Variants in EMILIN2 observed in about 807,000 individuals in gnomAD.
EMILIN2 encodes EMILIN-2.
A neutral mutation model predicts 87.1 loss-of-function variants in EMILIN2; 71 were observed. That is an observed-to-expected ratio of 0.82 (90% CI 0.67 to 0.99). The LOEUF is 0.99. Ranked by LOEUF, EMILIN2 falls within the 50% of genes least tolerant of loss-of-function variation. The probability of loss-of-function intolerance (pLI) is 0.00; values close to 1 mark genes in which losing one functional copy is unlikely to be tolerated. For synonymous variants in EMILIN2, 581 were observed against 563.4 expected (o/e 1.03, Z -0.44); for missense variants, 1,407 against 1,371.8 (o/e 1.03, Z -0.40).
chr18:2,846,709 C>T (rs1412179650), upstream of EMILIN2: 2 of 978,294 alleles, frequency 2.0e-6, no homozygotes, highest in Non-Finnish European at 2.4e-6. The surrounding 1 kb of genome is among the most constrained non-coding windows in gnomAD (Gnocchi z 5.3). Context: ...CGACGGCGGC[C>T]GCGTCCCGGG....
chr18:2,882,988 C>T (rs192261268), intron 2 of EMILIN2, among the ~76,000 whole-genome samples: 77 of 152,176 alleles, frequency 5.1e-4, no homozygotes, highest in African/African-American at 1.8e-3. Context: ...TGCAGTGTAC[C>T]ATGATTGTAC....
At chr18:2,886,064 G>T (rs2076802006) in intron 3 of EMILIN2, among the ~76,000 whole-genome samples, 1 of 152,192 alleles carries the variant, frequency 6.6e-6, no homozygotes, top group Non-Finnish European at 1.5e-5. Flanking sequence ...GAGAACTACT[G>T]TTGACATTTT....
At chr18:2,885,823 T>G (rs1024666699) in intron 3 of EMILIN2, among the ~76,000 whole-genome samples, 1 of 152,226 alleles carries the variant, frequency 6.6e-6, no homozygotes, top group Non-Finnish European at 1.5e-5. Flanking sequence ...TGGCCATCAC[T>G]TCATCTTTTT....
At chr18:2,899,539 C>G (rs2076878980) in intron 4 of EMILIN2, among the ~76,000 whole-genome samples, 1 of 152,110 alleles carries the variant, frequency 6.6e-6, no homozygotes, top group Non-Finnish European at 1.5e-5. Context: ...GAGTCTTGCT[C>G]TGTCACCCAG....
intron 2 of EMILIN2, among the ~76,000 whole-genome samples, chr18:2,849,667 C>A (rs1007413238): frequency 1.3e-5 from 2 of 152,042 alleles, no homozygotes; most frequent in African/African-American, 4.8e-5. Flanking sequence ...TTAAACAAAG[C>A]CAAAATAAGT....
chr18:2,852,407 A>G (rs577662118), intron 2 of EMILIN2, among the ~76,000 whole-genome samples: 47 of 152,246 alleles, frequency 3.1e-4, no homozygotes, highest in Non-Finnish European at 5.6e-4. Context: ...AGCTGCCAAC[A>G]TGAAACTTGT....
intron 2 of EMILIN2, among the ~76,000 whole-genome samples, chr18:2,883,220 C>T (rs1048174012): frequency 2.4e-4 from 9 of 37,510 alleles, no homozygotes; most frequent in African/African-American, 4.2e-4. Flanking sequence ...GTGTGACCCT[C>T]GGGGAGGATG....
intron 2 of EMILIN2, among the ~76,000 whole-genome samples, chr18:2,876,518 G>A (rs2076748641): frequency 8.0e-6 from 1 of 124,618 alleles, no homozygotes; most frequent in African/African-American, 3.0e-5. Context: ...TGTAATCCCA[G>A]CACTTTGGGA....
At chr18:2,873,503 C>G (rs1035252082) in intron 2 of EMILIN2, among the ~76,000 whole-genome samples, 1 of 151,830 alleles carries the variant, frequency 6.6e-6, no homozygotes, top group South Asian at 2.1e-4. Flanking sequence ...GTCAGGAGAT[C>G]GAGACCATCC....
intron 2 of EMILIN2, among the ~76,000 whole-genome samples, chr18:2,854,747 T>C (rs577358707): frequency 6.6e-6 from 1 of 152,208 alleles, no homozygotes; most frequent in African/African-American, 2.4e-5. Flanking sequence ...TGAGCCATGA[T>C]TGCAGTACTG....
At chr18:2,887,653 G>C (rs957641201) in intron 3 of EMILIN2, among the ~76,000 whole-genome samples, 1 of 152,098 alleles carries the variant, frequency 6.6e-6, no homozygotes, top group Non-Finnish European at 1.5e-5. Flanking sequence ...AGCAGTTGCT[G>C]ACACCATGTT....
chr18:2,899,574 G>A (rs185856376), intron 4 of EMILIN2, among the ~76,000 whole-genome samples: 54 of 151,582 alleles, frequency 3.6e-4, no homozygotes, highest in African/African-American at 1.1e-3. Flanking sequence ...GCACAATCTC[G>A]GCTCACTGCA....
chr18:2,870,883 C>T (rs1598490411), intron 2 of EMILIN2, among the ~76,000 whole-genome samples: 1 of 152,172 alleles, frequency 6.6e-6, no homozygotes, highest in African/African-American at 2.4e-5. Context: ...CTCCCTGTGT[C>T]TCTTCACATA....
intron 4 of EMILIN2, among the ~76,000 whole-genome samples, chr18:2,901,966 G>A (rs900247553): frequency 2.0e-5 from 3 of 152,276 alleles, no homozygotes; most frequent in East Asian, 1.9e-4. Context: ...ACTCATGCAC[G>A]GACTCCCCAA....
intron 2 of EMILIN2, among the ~76,000 whole-genome samples, chr18:2,862,043 T>C (rs1480768411): frequency 2.0e-5 from 3 of 152,220 alleles, no homozygotes; most frequent in African/African-American, 7.2e-5. Context: ...TTGTCTGTTA[T>C]TGGTGTATAA....
chr18:2,858,132 G>A (rs1006779777), intron 2 of EMILIN2, among the ~76,000 whole-genome samples: 24 of 152,102 alleles, frequency 1.6e-4, no homozygotes, highest in South Asian at 4.2e-4. Context: ...ATCCCAATTA[G>A]GAAGCACTTT....
At chr18:2,846,923 G>T, upstream of EMILIN2, 1 of 991,250 alleles carries the variant, frequency 1.0e-6, no homozygotes, top group Non-Finnish European at 1.2e-6. This position sits in a 1 kb window ranked among gnomAD's most constrained non-coding sequence, Gnocchi z 5.3. Context: ...TTCGGAGAGG[G>T]AAGTGAAATA....
rs540793066 is a variant in EMILIN2, at chr18:2,857,518, T to C, written c.257+9587T>C. On this transcript the variant is annotated intron_variant, in intron 2 of 7. Coordinates refer to ENST00000254528, the MANE Select transcript of EMILIN2 (RefSeq NM_032048.3). The stretch of plus-strand genomic sequence containing the variant: ...CATAGTGGTGACAATGCTGCTTGTT[T>C]TTCTGCTAACTGAAGCTTTTGCACA... Among the ~76,000 whole-genome samples the C allele has an allele frequency of 3.9e-5, 6 of 152,324 alleles. No individual in the cohort carries two copies. In the South Asian group the frequency reaches 1.2e-3, roughly 32 times the overall value.
chr18:2,872,263 C>G (rs2143996214), intron 2 of EMILIN2, among the ~76,000 whole-genome samples: 1 of 152,310 alleles, frequency 6.6e-6, no homozygotes, highest in African/African-American at 2.4e-5. Context: ...TTTCCTTCTA[C>G]TAAGAATCAC....
Sources: gnomAD v4.1 joint callset for allele counts (sites outside exome capture counted in the v4.1 genomes callset) on GRCh38, gnomAD v4.1.1 for gene constraint, Gnocchi (gnomAD v3.1) non-coding constraint, MANE v1.5 for transcripts, NCBI Gene and HGNC (gene_info 2026-07-23, HGNC 2026-07-21) for gene names.